The following UBE3A variants were observed in gnomAD, a reference collection of about 807,000 sequenced individuals.
UBE3A encodes the protein ubiquitin protein ligase E3A.
UBE3A carries 6 observed loss-of-function variants against 83.4 expected under a neutral mutation model. The observed-to-expected ratio is 0.07, with a 90% CI of 0.04 to 0.14. The LOEUF is 0.14. UBE3A is among the 10% of genes least tolerant of loss of function. The pLI, the probability that UBE3A is intolerant of heterozygous loss-of-function variation, is 1.00. For synonymous variants in UBE3A, 337 were observed against 355.4 expected (o/e 0.95, Z 0.58); for missense variants, 456 against 1,036.1 (o/e 0.44, Z 7.69).
chr15:25,387,236 T>C (rs1367129032), intron 4 of UBE3A, among the ~76,000 whole-genome samples: 1 of 152,160 alleles, frequency 6.6e-6, no homozygotes, highest in Non-Finnish European at 1.5e-5. Flanking sequence ...AAAAGAATTA[T>C]CTAGGCCGGG....
At chr15:25,422,013 C>G (rs1889957639) in intron 1 of UBE3A, 1 of 152,110 alleles carries the variant, frequency 6.6e-6, no homozygotes, top group South Asian at 2.1e-4. Flanking sequence ...CAAAACAGTA[C>G]CTTTATTCGC....
rs1285482314 is a variant in UBE3A, at chr15:25,375,449, A to T, written c.361+16T>A. 6.2e-7 allele frequency: 1 copy of T among 1,612,960 alleles called. No individual in the cohort carries two copies. Among genetic ancestry groups the T allele is most frequent in the African/African-American group, 1.3e-5 (1 of 74,888 alleles). ...TTTTCAGGCAACAATTCTCAATTGA[A>T]AATAAAACATCTTACCTTTAAAATC... On this transcript the variant is annotated intron_variant, in intron 5 of 12. Coordinates refer to ENST00000648336, the MANE Select transcript of UBE3A (RefSeq NM_130839.5).
In UBE3A at chr15:25,361,984, G is replaced by C. The variant is rs150406321; in HGVS notation, c.1609-1457C>G. On this transcript the variant is annotated intron_variant, in intron 6 of 12. Transcript: ENST00000648336. The stretch of plus-strand genomic sequence containing the variant: ...TCAGGTCAGGTTGCCCGAGAGCATT[G>C]TTTTTTCAAACTTGTCACCTGCAAC... Among the ~76,000 whole-genome samples, 31 of 152,238 alleles carry C rather than the reference G, an allele frequency of 2.0e-4. No homozygotes were observed. The East Asian group carries it at 3.9e-3, about 19-fold the overall frequency.
chr15:25,431,859 G>T (rs996714180), intron 1 of UBE3A, among the ~76,000 whole-genome samples: 2 of 152,048 alleles, frequency 1.3e-5, no homozygotes, highest in African/African-American at 4.8e-5. Flanking sequence ...TTTATGGCAC[G>T]CTGTAAGATT....
chr15:25,405,525 A>G, intron 3 of UBE3A, 23 bp from the exon 4 acceptor site: 2 of 1,613,134 alleles, frequency 1.2e-6, no homozygotes, highest in Non-Finnish European at 1.7e-6. Context: ...ATTGAGAAAC[A>G]GTTAGCAAAA....
rs9806741 is a variant in UBE3A, at chr15:25,416,096, T to A, written c.-164-4125A>T. 4.6e-5 allele frequency among the ~76,000 whole-genome samples: 7 copies of A among 152,258 alleles called. No homozygotes were observed. The South Asian group carries it at 1.5e-3, about 32-fold the overall frequency. On this transcript the variant is annotated intron_variant, in intron 1 of 12. Coordinates refer to ENST00000648336, the MANE Select transcript of UBE3A (RefSeq NM_130839.5). ...TTAAATGGAATAATTAAAATCGGCA[T>A]GCCTTTAAAAAACTGAGTATACACT...
chr15:25,365,190 TA>T (rs930425710), intron 6 of UBE3A, among the ~76,000 whole-genome samples: 3 of 149,606 alleles, frequency 2.0e-5, no homozygotes, highest in South Asian at 2.1e-4. Flanking sequence ...GTTCATTTTT[TA>T]AAAAAAAAAT....
At chr15:25,375,208 T>G (rs1187676830) in intron 5 of UBE3A, 2 of 453,392 alleles carry the variant, frequency 4.4e-6, no homozygotes, top group African/African-American at 4.0e-5. Flanking sequence ...ACTTAATACA[T>G]TTTTCCTAAG....
intron 4 of UBE3A, among the ~76,000 whole-genome samples, chr15:25,391,358 A>T (rs2084340713): frequency 6.6e-6 from 1 of 152,228 alleles, no homozygotes; most frequent in African/African-American, 2.4e-5. Flanking sequence ...GGAAAAGAAG[A>T]GTTGTTCAAT....
At position 25,433,200 on chromosome 15, in the gene UBE3A, T is replaced by G. The variant is rs542742417; in HGVS notation, c.-165+5289A>C. ...AAACAACGTTTCTAAAAAGTTTTTT[T>G]TTTTTTCTTTGAGAGGCAGTCTCAC... On this transcript the variant is annotated intron_variant, in intron 1 of 12. Transcript: ENST00000648336. Among the ~76,000 whole-genome samples, 19 of 151,698 alleles carry G rather than the reference T, an allele frequency of 1.3e-4. 1 individual carries two copies. The East Asian group carries it at 3.5e-3, about 28-fold the overall frequency.
intron 1 of UBE3A, chr15:25,412,902 A>C (rs2090245603): frequency 3.3e-6 from 1 of 304,344 alleles, no homozygotes; most frequent in Admixed American, 4.5e-5. Flanking sequence ...TCTACTCGCA[A>C]AGATTTTCAT....
intron 1 of UBE3A, among the ~76,000 whole-genome samples, chr15:25,424,397 T>C (rs1890716207): frequency 6.6e-6 from 1 of 152,198 alleles, no homozygotes; most frequent in Non-Finnish European, 1.5e-5. Flanking sequence ...ATCTAAAATT[T>C]CCCATCATCC....
chr15:25,395,587 C>T (rs2085362820), intron 4 of UBE3A, among the ~76,000 whole-genome samples: 2 of 152,062 alleles, frequency 1.3e-5, no homozygotes, highest in South Asian at 4.2e-4. Flanking sequence ...ACTGAGATGG[C>T]AAAATATTAT....
intron 4 of UBE3A, among the ~76,000 whole-genome samples, chr15:25,399,272 C>T (rs2086496955): frequency 6.6e-6 from 1 of 152,048 alleles, no homozygotes. Flanking sequence ...CCAAAAAAAT[C>T]ACTGTCCAAA....
intron 4 of UBE3A, among the ~76,000 whole-genome samples, chr15:25,399,742 T>C (rs1322564763): frequency 6.6e-6 from 1 of 151,294 alleles, no homozygotes; most frequent in African/African-American, 2.4e-5. Context: ...CTTTAAAAAT[T>C]TTTTTTTTTT....
At chr15:25,435,696 C>T (rs1383788743) in intron 1 of UBE3A, among the ~76,000 whole-genome samples, 13 of 152,112 alleles carry the variant, frequency 8.5e-5, no homozygotes, top group Admixed American at 3.3e-4. Context: ...CCCCCAGAAC[C>T]GTGAGAAATA....
intron 7 of UBE3A, among the ~76,000 whole-genome samples, chr15:25,359,922 T>C (rs1236435455): frequency 6.6e-6 from 1 of 152,160 alleles, no homozygotes; most frequent in East Asian, 1.9e-4. Context: ...AGAAATCTTA[T>C]AGCAAATAAA....
chr15:25,368,329 C>T (rs2079667229), intron 6 of UBE3A, among the ~76,000 whole-genome samples: 1 of 151,982 alleles, frequency 6.6e-6, no homozygotes, highest in South Asian at 2.1e-4. Context: ...ATCAATTTTA[C>T]TTATAAGACC....
chr15:25,381,688 C>G (rs1385532677), intron 4 of UBE3A, among the ~76,000 whole-genome samples: 1 of 152,142 alleles, frequency 6.6e-6, no homozygotes, highest in Non-Finnish European at 1.5e-5. Flanking sequence ...TCTCTTTGTT[C>G]TGAGACGTTG....
Sources: allele counts gnomAD v4.1 joint callset (sites outside exome capture counted in the v4.1 genomes callset), GRCh38; gene constraint gnomAD v4.1.1; transcripts MANE v1.5; gene names NCBI Gene and HGNC (gene_info 2026-07-23, HGNC 2026-07-21).